Variants in EAF1 observed in about 807,000 individuals in gnomAD.
EAF1 encodes ELL-associated factor 1.
In EAF1, 19 loss-of-function variants were observed where a neutral mutation model predicts 26.6. The observed-to-expected ratio is 0.71, with a 90% CI of 0.50 to 1.05. The LOEUF is 1.05. Among genes scored for constraint, EAF1 ranks in the 50% least tolerant of loss-of-function variants. EAF1 has a pLI of 0.00. For synonymous variants in EAF1, 102 were observed against 120.6 expected, an observed-to-expected ratio of 0.85 and a Z score of 1.01; for missense variants, 260 against 335.5, an observed-to-expected ratio of 0.78 and a Z score of 1.76.
At position 15,436,517 on chromosome 3, in the gene EAF1, T is replaced by G. The variant is rs2061837149; in HGVS notation, c.702T>G (p.Pro234=). ...ACCAGCAGCCCTACAACAGTAGGCC[T>G]GCCGTTGCCAATGGAACCAGCCGGC... ...PSHQQPYNSR[P]AVANGTSRPQ... is the part of the protein sequence containing the mutation. The change falls in exon 5 of 6, where the codon CCT becomes CCG. Residue 234 remains proline, a synonymous_variant. Coordinates refer to ENST00000396842, the MANE Select transcript of EAF1 (RefSeq NM_033083.7). 1.3e-6 allele frequency: 2 copies of G among 1,595,792 alleles called. No individual in the cohort carries two copies. Among genetic ancestry groups the G allele is most frequent in the Non-Finnish European group, 1.7e-6 (2 of 1,164,616 alleles).
At position 15,429,892 on chromosome 3, in the gene EAF1, CT is replaced by C. The variant is rs1029307098; in HGVS notation, c.104-14del. 5 of 1,568,708 alleles carry C rather than the reference CT, an allele frequency of 3.2e-6. No individual in the cohort carries two copies. Among genetic ancestry groups the C allele is most frequent in the East Asian group, 2.2e-5 (1 of 44,546 alleles). ...TTATAAGTAACCTGGTGGGTAAGTG[CT>C]TTTTTTCCTTTCCCTTTAGATGATT... is the stretch of plus-strand genomic sequence containing the variant. On this transcript the variant is annotated intron_variant, in intron 1 of 5. Coordinates refer to ENST00000396842, the MANE Select transcript of EAF1 (RefSeq NM_033083.7).
At chr3:15,435,092 A>T (rs539120869) in intron 4 of EAF1, among the ~76,000 whole-genome samples, 1 of 152,106 alleles carries the variant, frequency 6.6e-6, no homozygotes, top group African/African-American at 2.4e-5. Flanking sequence ...TTTGGGGGGA[A>T]AAAAAGGATT....
intron 4 of EAF1, among the ~76,000 whole-genome samples, chr3:15,435,235 C>A (rs556079904): frequency 2.0e-5 from 3 of 152,296 alleles, no homozygotes; most frequent in East Asian, 3.9e-4. Context: ...TGGTTCTCTC[C>A]ACTGCAAACC....
Position 15,439,184 on chromosome 3 carries a change from G to T in EAF1, c.*29G>T, listed in dbSNP as rs1316563343. On this transcript the variant is annotated 3_prime_UTR_variant, in exon 6 of 6. Coordinates refer to ENST00000396842, the MANE Select transcript of EAF1 (RefSeq NM_033083.7). ...TGGATCTTTCGAAACCTACTTTTTG[G>T]TGCACAAACATGCCGCAAGACTGAG... 17 of 1,609,890 alleles carry T rather than the reference G, an allele frequency of 1.1e-5. No homozygotes were observed. The highest frequency in any genetic ancestry group is 1.7e-5 in the Admixed American group (1 of 59,638).
At position 15,427,902 on chromosome 3, in the gene EAF1, G is replaced by T. The variant is rs760602660; in HGVS notation, c.103+20G>T. ...TTCGTTGTAAGTCAGCGCTCCCCAC[G>T]GTTCCCTTCGGCCGCTCCAGCCGCC... On this transcript the variant is annotated intron_variant, in intron 1 of 5. Transcript: ENST00000396842. 9 of 1,518,994 alleles carry T rather than the reference G, an allele frequency of 5.9e-6. No homozygotes were observed. Among genetic ancestry groups the T allele is most frequent in the Admixed American group, 2.1e-5 (1 of 48,264 alleles). The allele number at this position is 1,518,994 out of a possible 1,614,324, so 94.1% of individuals were successfully genotyped here. A position where few individuals can be genotyped will look rare whatever the true frequency, so the allele number is the denominator to read the frequency against.
chr3:15,436,217 G>T (rs1257561844), intron 4 of EAF1, 125 bp from the exon 5 acceptor site: 4 of 669,858 alleles, frequency 6.0e-6, no homozygotes, highest in African/African-American at 5.4e-5. Context: ...GTATTGAGAA[G>T]TAGGACTTTG....
At chr3:15,431,975 T>C in intron 2 of EAF1, 112 bp from the exon 3 acceptor site, 1 of 1,281,876 alleles carries the variant, frequency 7.8e-7, no homozygotes, top group South Asian at 1.7e-5. Flanking sequence ...CAACCTGTTC[T>C]TTTTGAATAG....
Position 15,439,093 on chromosome 3 carries a change from T to A in EAF1, c.761-16T>A, listed in dbSNP as rs751653437. 6.3e-7 allele frequency: 1 copy of A among 1,594,270 alleles called. No homozygotes were observed. Among genetic ancestry groups the A allele is most frequent in the Non-Finnish European group, 8.5e-7 (1 of 1,169,722 alleles). ...GTTTGATTCTATGATTTTACTTTAT[T>A]TTTTTTTTTAAATAGGAAATGACTT... On this transcript the variant is annotated splice_polypyrimidine_tract_variant and intron_variant, in intron 5 of 5. Transcript: ENST00000396842.
rs554958998 is a variant in EAF1, at chr3:15,438,894, T to C, written c.761-215T>C. On this transcript the variant is annotated intron_variant, in intron 5 of 5. Transcript: ENST00000396842. The stretch of plus-strand genomic sequence containing the variant: ...TATCCAGCTTACTTCTCCTTTGCTC[T>C]ACCCTAATATGCAGTATTGTTGTGC... 1.6e-5 allele frequency: 8 copies of C among 486,938 alleles called. No individual in the cohort carries two copies. The South Asian group carries it at 2.6e-4, about 16-fold the overall frequency. 30.2% of individuals were successfully genotyped at this position (486,938 alleles called of 1,614,324 possible). A position where few individuals can be genotyped will look rare whatever the true frequency, so the allele number is the denominator to read the frequency against.
chr3:15,430,462 A>AC, intron 2 of EAF1, among the ~76,000 whole-genome samples: 1 of 148,892 alleles, frequency 6.7e-6, no homozygotes, highest in African/African-American at 2.4e-5. Flanking sequence ...TCCCCCTCAA[A>AC]AAAAAAAAAA....
intron 4 of EAF1, 119 bp from the exon 5 acceptor site, chr3:15,436,223 C>A: frequency 2.8e-6 from 2 of 723,052 alleles, no homozygotes; most frequent in Admixed American, 3.1e-5. Context: ...AGAAGTAGGA[C>A]TTTGTTTTAA....
At position 15,427,987 on chromosome 3, in the gene EAF1, C is replaced by A. The variant is rs909054099; in HGVS notation, c.103+105C>A. 7 of 901,786 alleles carry A rather than the reference C, an allele frequency of 7.8e-6. No homozygotes were observed. In the African/African-American group the frequency reaches 1.2e-4, roughly 16 times the overall value. The allele number at this position is 901,786 out of a possible 1,614,324, so 55.9% of individuals were successfully genotyped here. On this transcript the variant is annotated intron_variant, in intron 1 of 5. Coordinates refer to ENST00000396842, the MANE Select transcript of EAF1 (RefSeq NM_033083.7). Reference sequence around the variant, plus strand: ...GGCCCTTCAGATTCCAGGGAACCCCCTGCCAGCGTCAGTTACTTTCTCTCG... The same window carrying A: ...GGCCCTTCAGATTCCAGGGAACCCCATGCCAGCGTCAGTTACTTTCTCTCG...
chr3:15,437,998 C>T (rs1391329456), intron 5 of EAF1, among the ~76,000 whole-genome samples: 1 of 152,044 alleles, frequency 6.6e-6, no homozygotes, highest in Non-Finnish European at 1.5e-5. Context: ...CATTATATGC[C>T]CCATCTTTAA....
At chr3:15,432,283 G>T in intron 3 of EAF1, 60 bp downstream of exon 3, 1 of 1,589,866 alleles carries the variant, frequency 6.3e-7, no homozygotes, top group Non-Finnish European at 8.6e-7. Context: ...TATCTATTCA[G>T]TTTTTATAAG....
chr3:15,428,362 C>T (rs953259465), intron 1 of EAF1, among the ~76,000 whole-genome samples: 1 of 152,142 alleles, frequency 6.6e-6, no homozygotes, highest in Admixed American at 6.5e-5. Context: ...TGCTTTTCTC[C>T]TCCGACTTGG....
intron 3 of EAF1, 118 bp downstream of exon 3, chr3:15,432,341 C>A: frequency 7.7e-7 from 1 of 1,291,134 alleles, no homozygotes; most frequent in Non-Finnish European, 1.1e-6. Flanking sequence ...AATCTTAACA[C>A]TACCTGTGCT....
chr3:15,431,231 G>T (rs939553854), intron 2 of EAF1, among the ~76,000 whole-genome samples: 1 of 152,122 alleles, frequency 6.6e-6, no homozygotes, highest in Non-Finnish European at 1.5e-5. Context: ...AACAAAACAA[G>T]CACATTTCTT....
chr3:15,437,550 G>A (rs185209723), intron 5 of EAF1, among the ~76,000 whole-genome samples: 1 of 152,112 alleles, frequency 6.6e-6, no homozygotes, highest in African/African-American at 2.4e-5. Flanking sequence ...CTGCCGAAGT[G>A]CTGTGATTAA....
chr3:15,428,916 T>A lies in EAF1; in HGVS notation c.104-997T>A, dbSNP rs1045503179. ...TCACTTGCCATGCCATTGCTATGCT[T>A]CCTACTGACAGCAGATCCAGCTCTT... On this transcript the variant is annotated intron_variant, in intron 1 of 5. Coordinates refer to ENST00000396842, the MANE Select transcript of EAF1 (RefSeq NM_033083.7). 5.9e-5 allele frequency among the ~76,000 whole-genome samples: 9 copies of A among 152,236 alleles called. 1 individual carries two copies. The highest frequency in any genetic ancestry group is 5.9e-4 in the Admixed American group (9 of 15,274).
Sources: gnomAD v4.1 joint callset for allele counts (sites outside exome capture counted in the v4.1 genomes callset) on GRCh38, gnomAD v4.1.1 for gene constraint, MANE v1.5 for transcripts, NCBI Gene and HGNC (gene_info 2026-07-23, HGNC 2026-07-21) for gene names.